Variants in VDAC1 observed in about 807,000 individuals in gnomAD.
VDAC1 encodes the protein non-selective voltage-gated ion channel VDAC1.
In VDAC1, 10 loss-of-function variants were observed where a neutral mutation model predicts 34.7. The ratio of observed to expected loss-of-function variants is 0.29; its 90% CI spans 0.18 to 0.49. The LOEUF is 0.49. Ranked by LOEUF, VDAC1 falls within the 20% of genes least tolerant of loss-of-function variation. VDAC1 has a pLI of 0.99. For missense variants in VDAC1, 230 were observed against 347.9 expected (o/e 0.66, Z 2.69); for synonymous variants, 130 against 136.0 (o/e 0.96, Z 0.30).
the VDAC1 span, among the ~76,000 whole-genome samples, chr5:134,093,655 G>A: frequency 3.3e-5 from 5 of 152,182 alleles, no homozygotes; most frequent in African/African-American, 9.7e-5. Flanking sequence ...AGCGTGAGCC[G>A]GCAGAGAGAA....
chr5:134,002,232 C>T (rs1473554069), intron 1 of VDAC1, among the ~76,000 whole-genome samples: 2 of 152,218 alleles, frequency 1.3e-5, no homozygotes, highest in Non-Finnish European at 2.9e-5. Flanking sequence ...TAGTGTTCAG[C>T]AAGGCCAGGG....
the VDAC1 span, among the ~76,000 whole-genome samples, chr5:134,028,521 A>G: frequency 3.9e-5 from 6 of 152,110 alleles, no homozygotes; most frequent in Admixed American, 6.5e-5. Context: ...TCAATGTTTC[A>G]TTGCACTGAG....
At chr5:133,998,198 A>G (rs1370130160) in intron 1 of VDAC1, among the ~76,000 whole-genome samples, 1 of 152,144 alleles carries the variant, frequency 6.6e-6, no homozygotes, top group Non-Finnish European at 1.5e-5. Context: ...TCATGAATGG[A>G]TGGGAAAGCA....
rs149910965 is a variant in VDAC1, at chr5:133,991,029, T to C, written c.243A>G (p.Leu81=). 2.8e-5 allele frequency: 45 copies of C among 1,614,196 alleles called. No homozygotes were observed. In the African/African-American group the frequency reaches 4.9e-4, roughly 18 times the overall value. Residue 81 remains leucine (L), a synonymous_variant, in exon 4 of 9, where the codon CTA becomes CTG. Coordinates refer to ENST00000265333, the MANE Select transcript of VDAC1 (RefSeq NM_003374.3). The part of the protein sequence containing the change: ...FTEKWNTDNT[L]GTEITVEDQL... ...GATCTTCCACAGTAATCTCGGTGCC[T>C]AGTGTATTGTCGGTATTCCATTTCT...
chr5:134,034,110 C>G, the VDAC1 span, among the ~76,000 whole-genome samples: 40 of 151,986 alleles, frequency 2.6e-4, no homozygotes, highest in African/African-American at 9.6e-4. Flanking sequence ...TTTGATTATG[C>G]ATTGGTAAGA....
chr5:133,999,348 G>A (rs1438077641), intron 1 of VDAC1, among the ~76,000 whole-genome samples: 1 of 152,126 alleles, frequency 6.6e-6, no homozygotes, highest in Non-Finnish European at 1.5e-5. Flanking sequence ...AGTGAAACAG[G>A]CAGAACAGCA....
At chr5:133,977,918 A>G (rs1180323385) in intron 6 of VDAC1, among the ~76,000 whole-genome samples, 2 of 152,208 alleles carry the variant, frequency 1.3e-5, no homozygotes, top group Non-Finnish European at 2.9e-5. Context: ...TTTTTTAAAA[A>G]GGAATGACCA....
chr5:133,989,889 C>G (rs529349729), intron 5 of VDAC1, among the ~76,000 whole-genome samples: 1 of 152,104 alleles, frequency 6.6e-6, no homozygotes, highest in Non-Finnish European at 1.5e-5. Context: ...CTCAAACTTC[C>G]GACCTCAGGT....
chr5:134,007,020 G>A (rs1047987562), upstream of VDAC1, among the ~76,000 whole-genome samples: 8 of 151,850 alleles, frequency 5.3e-5, no homozygotes, highest in Non-Finnish European at 1.2e-4. Flanking sequence ...GAGGCGGCTG[G>A]ATCACCTGAG....
At chr5:133,999,447 C>T (rs542052740) in intron 1 of VDAC1, among the ~76,000 whole-genome samples, 21 of 152,326 alleles carry the variant, frequency 1.4e-4, no homozygotes, top group Middle Eastern at 6.8e-3. Flanking sequence ...CCTCCAGATC[C>T]ATTCTCCTCC....
At chr5:134,091,720 C>T in the VDAC1 span, among the ~76,000 whole-genome samples, 1 of 152,180 alleles carries the variant, frequency 6.6e-6, no homozygotes, top group Non-Finnish European at 1.5e-5. Context: ...GTGTACCAGG[C>T]GCCGTTCTAA....
chr5:134,043,427 G>A, the VDAC1 span, among the ~76,000 whole-genome samples: 1 of 152,186 alleles, frequency 6.6e-6, no homozygotes, highest in African/African-American at 2.4e-5. Context: ...CAACCAGAGC[G>A]AAATTCTAGA....
At chr5:133,982,928 T>C (rs192172979) in intron 5 of VDAC1, among the ~76,000 whole-genome samples, 1 of 150,460 alleles carries the variant, frequency 6.6e-6, no homozygotes, top group East Asian at 2.0e-4. Context: ...ATCATGTAAA[T>C]TTGAACAGAC....
At position 134,004,965 on chromosome 5, in the gene VDAC1, C is replaced by G. The variant is rs930540017; in HGVS notation, c.-77G>C. ...GCGTGTTGCGGGCGCGCGGGAGGACCTGCGTGAGTCGGGGCACGGGGAGGC... is the reference window on the plus strand; with the variant it reads ...GCGTGTTGCGGGCGCGCGGGAGGACGTGCGTGAGTCGGGGCACGGGGAGGC... On this transcript the variant is annotated 5_prime_UTR_variant, in exon 1 of 9. Coordinates refer to ENST00000265333, the MANE Select transcript of VDAC1 (RefSeq NM_003374.3). 1 of 152,328 alleles carries G rather than the reference C, an allele frequency of 6.6e-6. No individual in the cohort carries two copies. The highest frequency in any genetic ancestry group is 2.4e-5 in the African/African-American group (1 of 41,456). 9.4% of individuals were successfully genotyped at this position (152,328 alleles called of 1,614,324 possible).
At chr5:134,098,227 C>T in the VDAC1 span, among the ~76,000 whole-genome samples, 1 of 150,780 alleles carries the variant, frequency 6.6e-6, no homozygotes, top group South Asian at 2.1e-4. Flanking sequence ...CAGAGTCTTG[C>T]TCTGTCACCC....
the VDAC1 span, among the ~76,000 whole-genome samples, chr5:134,079,482 G>C: frequency 1.3e-5 from 2 of 152,162 alleles, no homozygotes; most frequent in African/African-American, 4.8e-5. Flanking sequence ...GTCTCCACTC[G>C]GGGTGGAGAA....
At chr5:134,094,952 C>T in the VDAC1 span, among the ~76,000 whole-genome samples, 2 of 152,180 alleles carry the variant, frequency 1.3e-5, no homozygotes, top group Non-Finnish European at 1.5e-5. Flanking sequence ...GAGTTTCCCA[C>T]GTACATGCTG....
chr5:134,000,047 G>A (rs1753482949), intron 1 of VDAC1, among the ~76,000 whole-genome samples: 2 of 152,050 alleles, frequency 1.3e-5, no homozygotes, highest in Non-Finnish European at 1.5e-5. Flanking sequence ...CCAGCAGAAG[G>A]CAACCCTAGC....
intron 5 of VDAC1, among the ~76,000 whole-genome samples, chr5:133,990,317 G>A (rs1753058393): frequency 6.6e-6 from 1 of 152,162 alleles, no homozygotes; most frequent in East Asian, 1.9e-4. Context: ...AATGAGGCTG[G>A]CAACAGTGAC....
Sources: allele counts gnomAD v4.1 joint callset (sites outside exome capture counted in the v4.1 genomes callset), GRCh38; gene constraint gnomAD v4.1.1; transcripts MANE v1.5; gene names NCBI Gene and HGNC (gene_info 2026-07-23, HGNC 2026-07-21).